PHLDB2: variants seen among roughly 807,000 people sequenced by gnomAD.
PHLDB2 encodes the protein pleckstrin homology-like domain family B member 2.
A neutral mutation model predicts 123.6 loss-of-function variants in PHLDB2; 71 were observed. The ratio of observed to expected loss-of-function variants is 0.57; its 90% CI spans 0.47 to 0.70. PHLDB2 has a LOEUF of 0.70. Ranked by LOEUF, PHLDB2 falls within the 30% of genes least tolerant of loss-of-function variation. The pLI is 0.00. For missense variants in PHLDB2, 1,446 were observed against 1,519.5 expected (o/e 0.95, Z 0.80); for synonymous variants, 547 against 541.6 (o/e 1.01, Z -0.14).
chr3:111,967,201 C>G (rs948006026), intron 14 of PHLDB2, among the ~76,000 whole-genome samples: 1 of 152,174 alleles, frequency 6.6e-6, no homozygotes, highest in Non-Finnish European at 1.5e-5. Flanking sequence ...TGAAGGGCAC[C>G]TCCTTTCCTT....
In PHLDB2 at chr3:111,939,457, A is replaced by G; in HGVS notation, c.2131-18A>G. 1.3e-6 allele frequency: 2 copies of G among 1,593,362 alleles called. No individual in the cohort carries two copies. The highest frequency in any genetic ancestry group is 1.1e-5 in the South Asian group (1 of 86,986). On this transcript the variant is annotated intron_variant, in intron 6 of 17. Coordinates refer to ENST00000431670, the MANE Select transcript of PHLDB2 (RefSeq NM_001134438.2). Reference sequence around the variant, plus strand: ...AGTTATCTCAGTGTGTCTTGTTTTCATTCACTTTTCTCCAAAGGATGCTGA... The same window carrying G: ...AGTTATCTCAGTGTGTCTTGTTTTCGTTCACTTTTCTCCAAAGGATGCTGA...
At chr3:111,847,459 T>C (rs1050175764) in intron 2 of PHLDB2, among the ~76,000 whole-genome samples, 1 of 152,178 alleles carries the variant, frequency 6.6e-6, no homozygotes, top group Non-Finnish European at 1.5e-5. Flanking sequence ...TTTAGGAGCC[T>C]ATTACAATTC....
chr3:111,916,043 T>C (rs1448612585), intron 3 of PHLDB2: 1 of 152,226 alleles, frequency 6.6e-6, no homozygotes, highest in Non-Finnish European at 1.5e-5. Context: ...CATTAAGCTG[T>C]GTGCTGTCTC....
At chr3:111,812,259 G>A (rs1490383750) in intron 1 of PHLDB2, among the ~76,000 whole-genome samples, 1 of 152,132 alleles carries the variant, frequency 6.6e-6, no homozygotes, top group Non-Finnish European at 1.5e-5. Context: ...TTTGTTTTCA[G>A]TTGATACAAA....
chr3:111,845,218 G>T lies in PHLDB2; in HGVS notation c.-48-603G>T, dbSNP rs562677349. Reference sequence around the variant, plus strand: ...AAATACAAAAAAATTAGCCAGGCCTGGTGGCACATGCCTGTAATCCCACCT... The same window carrying T: ...AAATACAAAAAAATTAGCCAGGCCTTGTGGCACATGCCTGTAATCCCACCT... On this transcript the variant is annotated intron_variant, in intron 1 of 17. Coordinates refer to the PHLDB2 transcript ENST00000393923. Among the ~76,000 whole-genome samples the T allele has an allele frequency of 3.9e-5, 6 of 151,986 alleles. No homozygotes were observed. In the East Asian group the frequency reaches 1.2e-3, roughly 29 times the overall value.
At position 111,743,262 on chromosome 3, in the gene PHLDB2, G is replaced by T. The variant is rs547297465; in HGVS notation, c.-49+10559G>T. ...CCTGGAGAAAGAGGATAAGAGGAGA[G>T]TCTGGGGAGATCCTTTTAACTAAAA... is the stretch of plus-strand genomic sequence containing the variant. On this transcript the variant is annotated intron_variant, in intron 1 of 17. Coordinates refer to the PHLDB2 transcript ENST00000393923. Among the ~76,000 whole-genome samples, 9 of 152,298 alleles carry T rather than the reference G, an allele frequency of 5.9e-5. No homozygotes were observed. In the East Asian group the frequency reaches 1.2e-3, roughly 20 times the overall value.
rs191680011 is a variant in PHLDB2 at position 111,824,289 on chromosome 3, A to G, written c.-48-21532A>G. ...TCACAGTGGTTTTCTTCCTTACTGC[A>G]TAGGCCTACTCCTCCCAGGAACTCT... On this transcript the variant is annotated intron_variant, in intron 1 of 17. Coordinates refer to the PHLDB2 transcript ENST00000393923. Among the ~76,000 whole-genome samples, 18 of 152,232 alleles carry G rather than the reference A, an allele frequency of 1.2e-4. No individual in the cohort carries two copies. The East Asian group carries it at 2.9e-3, about 24-fold the overall frequency.
intron 1 of PHLDB2, among the ~76,000 whole-genome samples, chr3:111,799,377 T>C (rs1323494871): frequency 1.3e-5 from 2 of 152,256 alleles, no homozygotes; most frequent in Non-Finnish European, 2.9e-5. Flanking sequence ...AATAGTAGTC[T>C]TTGAATTTAA....
chr3:111,856,812 T>TCTGC (rs2064530575), upstream of PHLDB2, among the ~76,000 whole-genome samples: 1 of 152,336 alleles, frequency 6.6e-6, no homozygotes, highest in South Asian at 2.1e-4. Flanking sequence ...GGCAAAACTC[T>TCTGC]CTGCCTGCCT....
rs1489503811 is a variant in PHLDB2 at position 111,939,054 on chromosome 3, C to T, written c.2131-421C>T. On this transcript the variant is annotated intron_variant, in intron 6 of 17. Coordinates refer to ENST00000431670, the MANE Select transcript of PHLDB2 (RefSeq NM_001134438.2). ...AACTCCTGACCTCAGGTGATCCCCC[C>T]TCCTCAGCCTCCCAAAGTGCTGGGA... 8.6e-5 allele frequency among the ~76,000 whole-genome samples: 13 copies of T among 152,046 alleles called. 1 individual carries two copies. The highest frequency in any genetic ancestry group is 8.5e-4 in the Admixed American group (13 of 15,260).
chr3:111,879,554 A>T (rs1002058371), intron 1 of PHLDB2, among the ~76,000 whole-genome samples: 9 of 152,080 alleles, frequency 5.9e-5, no homozygotes. Flanking sequence ...GAAGTGGAGG[A>T]GGTAGAAGGG....
chr3:111,949,752 T>G, intron 10 of PHLDB2: 2 of 985,892 alleles, frequency 2.0e-6, no homozygotes, highest in Non-Finnish European at 2.4e-6. Flanking sequence ...CTCTTTCTCC[T>G]CATCCTATCA....
chr3:111,768,248 G>T (rs1047780912), intron 1 of PHLDB2, among the ~76,000 whole-genome samples: 1 of 152,178 alleles, frequency 6.6e-6, no homozygotes, highest in Non-Finnish European at 1.5e-5. Context: ...GAACCAGAAT[G>T]AGGAAGTGGT....
intron 2 of PHLDB2, among the ~76,000 whole-genome samples, chr3:111,849,049 T>C (rs1023766402): frequency 1.3e-5 from 2 of 152,228 alleles, no homozygotes; most frequent in Admixed American, 1.3e-4. Context: ...CCCGACTGTA[T>C]ATGAAACTTT....
chr3:111,941,280 T>G (rs545682783), intron 8 of PHLDB2, among the ~76,000 whole-genome samples: 40 of 152,334 alleles, frequency 2.6e-4, no homozygotes, highest in African/African-American at 9.1e-4. Flanking sequence ...CTCTCTGACA[T>G]GACCCCGGTA....
rs773454750 is a variant in PHLDB2 at position 111,845,811 on chromosome 3, CT to C, written c.-48-9del. The C allele has an allele frequency of 9.9e-6, 16 of 1,612,080 alleles. No homozygotes were observed. In the South Asian group the frequency reaches 1.7e-4, roughly 17 times the overall value. ...CAATCATGGTACCTCTCTTTTCTTG[CT>C]GTGTGCAGGCTGGCACTGATCCCAG... is the stretch of plus-strand genomic sequence containing the variant. On this transcript the variant is annotated splice_polypyrimidine_tract_variant and intron_variant, in intron 1 of 17. Coordinates refer to the PHLDB2 transcript ENST00000393923.
chr3:111,893,758 C>A (rs1190806804), intron 2 of PHLDB2, among the ~76,000 whole-genome samples: 264 of 136,294 alleles, frequency 1.9e-3, no homozygotes, highest in East Asian at 3.3e-3. Context: ...TTAAGGTAAG[C>A]AAAAAAAAAA....
rs185963609 is a variant in PHLDB2, at chr3:111,860,466, G to A, written c.-15+890G>A. On this transcript the variant is annotated intron_variant, in intron 1 of 17. Coordinates refer to ENST00000431670, the MANE Select transcript of PHLDB2 (RefSeq NM_001134438.2). ...TTTCTCCAGCTCCCTGCGCGGCGGA[G>A]GCGCAGCTGAATCGTTTGCTGGTTC... Among the ~76,000 whole-genome samples, 739 of 152,332 alleles carry A rather than the reference G, an allele frequency of 4.9e-3. 32 individuals are homozygous for A. The highest frequency in any genetic ancestry group is 0.044 in the Admixed American group (672 of 15,306).
chr3:111,807,537 T>G (rs914933811), intron 1 of PHLDB2, among the ~76,000 whole-genome samples: 2 of 151,986 alleles, frequency 1.3e-5, no homozygotes, highest in African/African-American at 2.4e-5. Flanking sequence ...CTGGGCCACA[T>G]AGGAAGACCC....
Sources: gnomAD v4.1 joint callset for allele counts (sites outside exome capture counted in the v4.1 genomes callset) on GRCh38, gnomAD v4.1.1 for gene constraint, MANE v1.5 for transcripts, NCBI Gene and HGNC (gene_info 2026-07-23, HGNC 2026-07-21) for gene names.